Variants in PAM observed in about 807,000 individuals in gnomAD.
PAM encodes peptidylglycine alpha-amidating monooxygenase, also known as peptidyl-glycine alpha-amidating monooxygenase.
In PAM, 72 loss-of-function variants were observed where a neutral mutation model predicts 122.1. That is an observed-to-expected ratio of 0.59 (90% CI 0.49 to 0.72). The LOEUF (loss-of-function observed/expected upper bound fraction) is 0.72, where lower values mean the gene tolerates loss of function less well. PAM is among the 30% of genes least tolerant of loss of function. PAM has a pLI of 0.00. For synonymous variants in PAM, 389 were observed against 404.4 expected, an observed-to-expected ratio of 0.96 and a Z score of 0.46; for missense variants, 1,106 against 1,183.7, an observed-to-expected ratio of 0.93 and a Z score of 0.96.
intron 1 of PAM, among the ~76,000 whole-genome samples, chr5:102,826,263 T>C (rs1773565947): frequency 6.6e-6 from 1 of 152,234 alleles, no homozygotes; most frequent in Non-Finnish European, 1.5e-5. Context: ...AAATAACTTT[T>C]AATCTATGTA....
intron 16 of PAM, among the ~76,000 whole-genome samples, chr5:102,992,786 C>G (rs17154913): frequency 0.26 from 39,311 of 151,958 alleles, 5,687 homozygotes; most frequent in East Asian, 0.44. Context: ...TCCTTGAAAT[C>G]TTTCCCATTC....
intron 3 of PAM, among the ~76,000 whole-genome samples, chr5:102,874,942 G>A (rs1788672246): frequency 6.6e-6 from 1 of 152,040 alleles, no homozygotes. Flanking sequence ...CAAATAGCCG[G>A]TAAATAGGAG....
Position 102,949,548 on chromosome 5 carries a change from G to A in PAM, c.655G>A (p.Asp219Asn). 6.6e-7 allele frequency: 1 copy of A among 1,519,376 alleles called. No homozygotes were observed. The highest frequency in any genetic ancestry group is 9.1e-7 in the Non-Finnish European group (1 of 1,093,912). The allele number at this position is 1,519,376 out of a possible 1,614,324, so 94.1% of individuals were successfully genotyped here. The stretch of plus-strand genomic sequence containing the variant: ...TTCATTTCCCACAGTGGTGAATTCT[G>A]ACATTTCATGCCATTATAAAAATTA... Reference protein sequence around the residue: ...IPAGEKVVNSDISCHYKNYPM... With the variant: ...IPAGEKVVNSNISCHYKNYPM... The change falls in exon 10 of 26, where the codon GAC becomes AAC. Residue 219 changes from aspartate (D) to asparagine (N), a missense_variant. This residue lies in a region of PAM where 670 missense variants were observed against 690.3 expected (regional missense o/e 0.97). Transcript: ENST00000438793.
At chr5:102,759,619 C>T (rs578061516) in intron 1 of PAM, among the ~76,000 whole-genome samples, 7 of 152,234 alleles carry the variant, frequency 4.6e-5, no homozygotes, top group African/African-American at 1.4e-4. Context: ...AAAAACTATT[C>T]TGTGGGCCAA....
At chr5:102,807,906 C>A (rs1766662048) in intron 1 of PAM, among the ~76,000 whole-genome samples, 2 of 152,174 alleles carry the variant, frequency 1.3e-5, no homozygotes, top group African/African-American at 2.4e-5. Context: ...AAAGTCACAT[C>A]GCAATTAGTA....
intron 1 of PAM, among the ~76,000 whole-genome samples, chr5:102,831,044 T>C (rs1180876307): frequency 7.0e-6 from 1 of 143,248 alleles, no homozygotes; most frequent in Non-Finnish European, 1.5e-5. Context: ...TTCAGCTTTG[T>C]TCAGTGGGAA....
chr5:102,762,874 T>C (rs1752778079), intron 1 of PAM, among the ~76,000 whole-genome samples: 1 of 152,180 alleles, frequency 6.6e-6, no homozygotes, highest in Non-Finnish European at 1.5e-5. Flanking sequence ...CAGAGTGAAA[T>C]GCCTTTAAAA....
chr5:102,766,926 ATTTTTTTTTTTTTTTTT>A, intron 1 of PAM, among the ~76,000 whole-genome samples: 2 of 25,830 alleles, frequency 7.7e-5, no homozygotes, highest in African/African-American at 2.7e-4. Context: ...TCAGTTGTGG[ATTTTTTTTTTTTTTTTT>A]TTTTTTTTTT....
intron 1 of PAM, among the ~76,000 whole-genome samples, chr5:102,772,308 A>G (rs1240528588): frequency 6.6e-6 from 1 of 152,116 alleles, no homozygotes; most frequent in Non-Finnish European, 1.5e-5. Context: ...GTAAACCTTC[A>G]TCCCTATTTT....
intron 5 of PAM, among the ~76,000 whole-genome samples, chr5:102,914,984 A>G (rs982295866): frequency 7.9e-5 from 12 of 152,226 alleles, no homozygotes; most frequent in African/African-American, 2.6e-4. Context: ...GAAAAATAAG[A>G]TGTTTTCTAC....
chr5:102,970,608 G>A (rs976999293), intron 14 of PAM, among the ~76,000 whole-genome samples: 4 of 152,212 alleles, frequency 2.6e-5, no homozygotes, highest in Middle Eastern at 6.8e-3. Context: ...AGGCTTTAGG[G>A]AATTCTGGAG....
intron 7 of PAM, among the ~76,000 whole-genome samples, chr5:102,932,985 C>T (rs190289740): frequency 8.5e-5 from 13 of 152,226 alleles, no homozygotes; most frequent in African/African-American, 2.4e-4. Context: ...ATTCACACAA[C>T]GCACTACATG....
chr5:102,952,740 T>A (rs923106358), intron 12 of PAM, among the ~76,000 whole-genome samples: 1 of 152,168 alleles, frequency 6.6e-6, no homozygotes, highest in African/African-American at 2.4e-5. Context: ...AGGCAAAACC[T>A]CCATAGATGA....
At chr5:102,892,567 C>A (rs1795046153) in intron 3 of PAM, among the ~76,000 whole-genome samples, 1 of 151,764 alleles carries the variant, frequency 6.6e-6, no homozygotes, top group Non-Finnish European at 1.5e-5. Context: ...ACAATAATCC[C>A]AATAAAGAAA....
intron 1 of PAM, among the ~76,000 whole-genome samples, chr5:102,790,840 A>T (rs1761868877): frequency 1.3e-5 from 2 of 152,086 alleles, no homozygotes; most frequent in Non-Finnish European, 2.9e-5. Flanking sequence ...ATGCAAAAAA[A>T]CATAAGCACA....
intron 15 of PAM, among the ~76,000 whole-genome samples, chr5:102,986,924 G>A (rs1043247455): frequency 4.6e-5 from 7 of 152,182 alleles, no homozygotes; most frequent in Non-Finnish European, 7.3e-5. Flanking sequence ...CCCCAGCCAT[G>A]TGGAACTGTA....
At chr5:102,834,404 C>T (rs1321904485) in intron 1 of PAM, among the ~76,000 whole-genome samples, 1 of 152,050 alleles carries the variant, frequency 6.6e-6, no homozygotes, top group Admixed American at 6.6e-5. Context: ...ACTGGTGGTA[C>T]AGAGAAGTCA....
intron 1 of PAM, among the ~76,000 whole-genome samples, chr5:102,795,707 G>T (rs1273440878): frequency 6.6e-6 from 1 of 152,094 alleles, no homozygotes; most frequent in Non-Finnish European, 1.5e-5. Context: ...AGAAAAATCT[G>T]GTGATTGACC....
At chr5:102,999,795 G>A (rs185500161) in intron 16 of PAM, among the ~76,000 whole-genome samples, 64 of 152,340 alleles carry the variant, frequency 4.2e-4, no homozygotes, top group African/African-American at 1.5e-3. Context: ...TAGGACACAA[G>A]GCACCAAGTC....
Sources: gnomAD v4.1 joint callset for allele counts (sites outside exome capture counted in the v4.1 genomes callset) on GRCh38, gnomAD v4.1.1 for gene constraint, gnomAD v4.1.1 regional missense constraint, MANE v1.5 for transcripts, NCBI Gene and HGNC (gene_info 2026-07-23, HGNC 2026-07-21) for gene names.